VPS33A: variants seen among roughly 807,000 people sequenced by gnomAD.
VPS33A encodes the protein VPS33A core subunit of CORVET and HOPS complexes.
A neutral mutation model predicts 71.8 loss-of-function variants in VPS33A; 32 were observed. That is an observed-to-expected ratio of 0.45 (90% CI 0.34 to 0.60). The LOEUF (loss-of-function observed/expected upper bound fraction) is 0.60. Among genes scored for constraint, VPS33A ranks in the 20% least tolerant of loss-of-function variants. The probability of loss-of-function intolerance (pLI) is 0.02; values close to 1 mark genes in which losing one functional copy is unlikely to be tolerated. For missense variants in VPS33A, 625 were observed against 748.5 expected, an observed-to-expected ratio of 0.84 and a Z score of 1.92; for synonymous variants, 311 against 292.7, an observed-to-expected ratio of 1.06 and a Z score of -0.64.
intron 11 of VPS33A, 34 bp downstream of exon 11, chr12:122,235,752 C>T: frequency 6.3e-6 from 10 of 1,591,064 alleles, no homozygotes; most frequent in Non-Finnish European, 8.6e-6. Flanking sequence ...TAACCAGTCC[C>T]TAAGCTGAGA....
chr12:122,254,177 C>T (rs1954883411), intron 4 of VPS33A, among the ~76,000 whole-genome samples: 2 of 152,116 alleles, frequency 1.3e-5, no homozygotes, highest in African/African-American at 2.4e-5. Context: ...CCACATTTTA[C>T]ACAGAACAAT....
chr12:122,249,800 C>T (rs1954820133), intron 6 of VPS33A, 71 bp downstream of exon 6: 1 of 1,419,652 alleles, frequency 7.0e-7, no homozygotes, highest in Non-Finnish European at 9.5e-7. Context: ...GTGCAATATA[C>T]AAACAGTAGC....
chr12:122,245,036 C>T (rs1954759492), intron 6 of VPS33A, among the ~76,000 whole-genome samples: 1 of 152,178 alleles, frequency 6.6e-6, no homozygotes, highest in Admixed American at 6.6e-5. Context: ...CACTTTTCCA[C>T]TCAGAAAACT....
chr12:122,264,080 C>A, intron 2 of VPS33A, 54 bp downstream of exon 2: 1 of 1,402,592 alleles, frequency 7.1e-7, no homozygotes, highest in South Asian at 1.4e-5. Context: ...CCTATTGTAA[C>A]TGCTAAAGTA....
rs568022897 is a variant in VPS33A at position 122,251,766 on chromosome 12, G to A, written c.484-667C>T. Reference sequence around the variant, plus strand: ...AGGAAGGGGAACATCACACACCAGGGCCTGTCGTGGGGTGGGGGAAGGGGG... The same window carrying A: ...AGGAAGGGGAACATCACACACCAGGACCTGTCGTGGGGTGGGGGAAGGGGG... On this transcript the variant is annotated intron_variant, in intron 4 of 12. Coordinates refer to ENST00000267199, the MANE Select transcript of VPS33A (RefSeq NM_022916.6). Among the ~76,000 whole-genome samples, 4 of 151,984 alleles carry A rather than the reference G, an allele frequency of 2.6e-5. No homozygotes were observed. In the South Asian group the frequency reaches 8.3e-4, roughly 32 times the overall value.
chr12:122,234,650 C>T (rs536081122), intron 11 of VPS33A, among the ~76,000 whole-genome samples: 3 of 152,286 alleles, frequency 2.0e-5, no homozygotes, highest in African/African-American at 7.2e-5. Context: ...ACACTCTCCA[C>T]CCTTCTCCGC....
intron 3 of VPS33A, 35 bp downstream of exon 3, chr12:122,263,537 A>C (rs746985474): frequency 6.4e-7 from 1 of 1,561,064 alleles, no homozygotes; most frequent in Non-Finnish European, 8.7e-7. Context: ...TATAAGAACC[A>C]AACTCTTTTG....
chr12:122,247,009 C>A (rs1954785797), intron 6 of VPS33A, among the ~76,000 whole-genome samples: 1 of 152,116 alleles, frequency 6.6e-6, no homozygotes, highest in South Asian at 2.1e-4. Flanking sequence ...CAACCTGATT[C>A]CATTTTTTGT....
In VPS33A at chr12:122,238,724, C is replaced by T. The variant is rs1481901114; in HGVS notation, c.1165G>A (p.Val389Ile). The change falls in exon 10 of 13, where the codon GTC becomes ATC. Residue 389 changes from valine to isoleucine, a missense_variant and splice_region_variant. By Grantham distance (29) the Val-to-Ile change is conservative (BLOSUM62 3). Transcript: ENST00000267199. ...ATACAATCCTCAATGTAATTGTTGA[C>T]CTGGAAATAAAGTAGCATACATATA... The part of the protein sequence containing the change: ...EFMSGIDTDK[V>I]NNYIEDCIAQ... 6.2e-7 allele frequency: 1 copy of T among 1,610,652 alleles called. No homozygotes were observed. The highest frequency in any genetic ancestry group is 2.2e-5 in the East Asian group (1 of 44,802).
rs774697260 is a variant in VPS33A at position 122,238,646 on chromosome 12, C to A, written c.1243G>T (p.Val415Leu). The A allele has an allele frequency of 6.2e-7, 1 of 1,613,818 alleles. No homozygotes were observed. The highest frequency in any genetic ancestry group is 1.3e-5 in the African/African-American group (1 of 74,886). ...KVLRLVCLQS[V>L]CNSGLKQKVL... Reference sequence around the variant, plus strand: ...TTTTGTTTGAGCCCACTATTACACACGGATTGGAGGCAAACTAGTCTTAAC... The same window carrying A: ...TTTTGTTTGAGCCCACTATTACACAAGGATTGGAGGCAAACTAGTCTTAAC... Residue 415 changes from valine to leucine, a missense_variant, in exon 10 of 13, where the codon GTG (valine) becomes TTG (leucine). Transcript: ENST00000267199.
In VPS33A at chr12:122,231,007, T is replaced by A. The variant is rs1954553284; in HGVS notation, c.*1239A>T. The stretch of plus-strand genomic sequence containing the variant: ...TGAGTACGGAGTGGCCACAGACTGC[T>A]AGAAAAGTACACGTGGCAGTTACCA... On this transcript the variant is annotated 3_prime_UTR_variant, in exon 13 of 13. Coordinates refer to ENST00000267199, the MANE Select transcript of VPS33A (RefSeq NM_022916.6). 6.6e-6 allele frequency: 1 copy of A among 152,168 alleles called. No individual in the cohort carries two copies. Among genetic ancestry groups the A allele is most frequent in the Non-Finnish European group, 1.5e-5 (1 of 68,052 alleles). The allele number at this position is 152,168 out of a possible 1,614,324, so 9.4% of individuals were successfully genotyped here.
intron 4 of VPS33A, among the ~76,000 whole-genome samples, chr12:122,252,213 C>T (rs988141512): frequency 1.3e-5 from 2 of 152,112 alleles, no homozygotes; most frequent in African/African-American, 4.8e-5. Flanking sequence ...GCTATGTTCG[C>T]ACCGCCACAC....
rs559689205 is a variant in VPS33A at position 122,237,477 on chromosome 12, T to C, written c.1302+1110A>G. Among the ~76,000 whole-genome samples the C allele has an allele frequency of 2.6e-5, 4 of 151,818 alleles. No individual in the cohort carries two copies. The East Asian group carries it at 7.8e-4, about 29-fold the overall frequency. On this transcript the variant is annotated intron_variant, in intron 10 of 12. Transcript: ENST00000267199. Reference sequence around the variant, plus strand: ...TATTTGTTGTTGTTGTTATGGTAACTACAGTTAACAAGGAAGTATTGTGAA... The same window carrying C: ...TATTTGTTGTTGTTGTTATGGTAACCACAGTTAACAAGGAAGTATTGTGAA...
chr12:122,264,383 T>G (rs966980606), intron 1 of VPS33A, among the ~76,000 whole-genome samples, 184 bp from the exon 2 acceptor site: 32 of 152,262 alleles, frequency 2.1e-4, no homozygotes, highest in African/African-American at 3.4e-4. Context: ...AAAAATTTTT[T>G]GGGGTTTTGC....
intron 1 of VPS33A, chr12:122,265,540 T>C (rs1240741055): frequency 7.3e-6 from 2 of 273,530 alleles, no homozygotes; most frequent in Non-Finnish European, 1.6e-5. Context: ...CAATCCATGA[T>C]GTTATTCAGA....
intron 4 of VPS33A, among the ~76,000 whole-genome samples, chr12:122,260,836 A>G (rs759139362): frequency 1.3e-5 from 2 of 152,122 alleles, no homozygotes; most frequent in Non-Finnish European, 2.9e-5. Context: ...TCAGCTAAGC[A>G]TAGTGGCGCA....
Position 122,266,367 on chromosome 12 carries a change from C to G in VPS33A, c.42G>C (p.Val14=). 6.2e-7 allele frequency: 1 copy of G among 1,613,732 alleles called. No homozygotes were observed. The highest frequency in any genetic ancestry group is 1.1e-5 in the South Asian group (1 of 91,086). ...GCTCGCGACGCACCGCCTCGCGCAA[C>G]ACGTTTAGGTTCACTCGGCCGTAGG... ...HLSYGRVNLN[V]LREAVRRELR... Residue 14 remains valine, a synonymous_variant, in exon 1 of 13, where the codon GTG becomes GTC. Transcript: ENST00000267199.
chr12:122,232,946 A>C lies in VPS33A; in HGVS notation c.1463T>G (p.Val488Gly). The C allele has an allele frequency of 1.2e-6, 2 of 1,611,136 alleles. No homozygotes were observed. Among genetic ancestry groups the C allele is most frequent in the Non-Finnish European group, 1.7e-6 (2 of 1,178,376 alleles). ...NEQNPTDISY[V>G]YSGYAPLSVR... The stretch of plus-strand genomic sequence containing the variant: ...ACTGAGCGGGGCATACCCACTGTAC[A>C]CATACGATATGTCCGTGGGGTTCTG... The change falls in exon 12 of 13, where the codon GTG becomes GGG. Residue 488 changes from valine (V) to glycine (G), a missense_variant. Coordinates refer to ENST00000267199, the MANE Select transcript of VPS33A (RefSeq NM_022916.6).
At chr12:122,232,756 A>C in intron 12 of VPS33A, 44 bp downstream of exon 12, 1 of 1,576,884 alleles carries the variant, frequency 6.3e-7, no homozygotes, top group Non-Finnish European at 8.6e-7. Context: ...TGAAAACCAC[A>C]CTAACAGTAC....
Sources: allele counts gnomAD v4.1 joint callset (sites outside exome capture counted in the v4.1 genomes callset), GRCh38; gene constraint gnomAD v4.1.1; transcripts MANE v1.5; gene names NCBI Gene and HGNC (gene_info 2026-07-23, HGNC 2026-07-21).